The following MLPH variants were observed in gnomAD, a reference collection of about 807,000 sequenced individuals.
MLPH encodes the protein exophilin-3.
A neutral mutation model predicts 72.1 loss-of-function variants in MLPH; 51 were observed. That is an observed-to-expected ratio of 0.71 (90% CI 0.56 to 0.89). MLPH has a LOEUF of 0.89. Ranked by LOEUF, MLPH falls within the 40% of genes least tolerant of loss-of-function variation. The probability of loss-of-function intolerance (pLI) is 0.00; values close to 1 mark genes in which losing one functional copy is unlikely to be tolerated. For synonymous variants in MLPH, 301 were observed against 310.1 expected, an observed-to-expected ratio of 0.97 and a Z score of 0.31; for missense variants, 743 against 759.9, an observed-to-expected ratio of 0.98 and a Z score of 0.26.
chr2:237,490,663 C>G (rs2079411355), intron 1 of MLPH, among the ~76,000 whole-genome samples: 1 of 152,146 alleles, frequency 6.6e-6, no homozygotes, highest in African/African-American at 2.4e-5. Flanking sequence ...TCGGTGAATG[C>G]TCTTCTTATG....
rs577187670 is a variant in MLPH at position 237,553,072 on chromosome 2, G to A, written c.1777-494G>A. The A allele has an allele frequency of 1.6e-4, 77 of 468,406 alleles. 1 individual carries two copies. Among genetic ancestry groups the A allele is most frequent in the African/African-American group, 1.4e-3 (69 of 50,158 alleles). The allele number at this position is 468,406 out of a possible 1,614,324, so 29.0% of individuals were successfully genotyped here. On this transcript the variant is annotated intron_variant, in intron 15 of 15. Coordinates refer to ENST00000264605, the MANE Select transcript of MLPH (RefSeq NM_024101.7). ...AAGTGCCCTCCAGAGTTTTCCCATT[G>A]GTTACTTGGTTATACTCTATGCAGA...
intron 6 of MLPH, among the ~76,000 whole-genome samples, chr2:237,523,911 G>A (rs188221565): frequency 9.6e-5 from 14 of 146,380 alleles, no homozygotes; most frequent in African/African-American, 2.6e-4. Flanking sequence ...TGAAGGCCTC[G>A]GGTAAGTAAT....
intron 15 of MLPH, among the ~76,000 whole-genome samples, chr2:237,552,730 A>T (rs1245106334): frequency 6.6e-6 from 1 of 152,244 alleles, no homozygotes; most frequent in Non-Finnish European, 1.5e-5. Flanking sequence ...TTTGTAGCTG[A>T]GAAAACAGAG....
At chr2:237,498,424 T>C (rs1030701036) in intron 2 of MLPH, among the ~76,000 whole-genome samples, 2 of 152,150 alleles carry the variant, frequency 1.3e-5, no homozygotes, top group African/African-American at 4.8e-5. Flanking sequence ...CTTTGATTTC[T>C]CCTCTGTCAA....
chr2:237,503,275 C>T (rs2079691755), intron 2 of MLPH, among the ~76,000 whole-genome samples: 1 of 152,124 alleles, frequency 6.6e-6, no homozygotes, highest in Non-Finnish European at 1.5e-5. Flanking sequence ...CAAGGCAGGG[C>T]CTGGAGGGGA....
intron 9 of MLPH, among the ~76,000 whole-genome samples, chr2:237,539,803 T>C (rs557795511): frequency 4.6e-5 from 7 of 152,222 alleles, no homozygotes; most frequent in Non-Finnish European, 1.0e-4. Flanking sequence ...CATGGCCTGA[T>C]AGGGAGCCAC....
chr2:237,511,806 A>C (rs116688398), intron 4 of MLPH, among the ~76,000 whole-genome samples: 1 of 152,242 alleles, frequency 6.6e-6, no homozygotes, highest in Non-Finnish European at 1.5e-5. Context: ...GCTTAAACTA[A>C]ACAATGTGTT....
chr2:237,486,489 C>G (rs1385286564), upstream of MLPH: 1 of 152,290 alleles, frequency 6.6e-6, no homozygotes, highest in Non-Finnish European at 1.5e-5. Context: ...TTGCGGGCCC[C>G]GCTGAGCACC....
chr2:237,532,864 T>A (rs1416058424), intron 8 of MLPH, among the ~76,000 whole-genome samples: 2 of 152,246 alleles, frequency 1.3e-5, no homozygotes, highest in Non-Finnish European at 2.9e-5. Flanking sequence ...AAGACAGATT[T>A]ATTCTTGAAC....
At chr2:237,497,476 A>G (rs2079558359) in intron 2 of MLPH, among the ~76,000 whole-genome samples, 1 of 152,216 alleles carries the variant, frequency 6.6e-6, no homozygotes, top group Non-Finnish European at 1.5e-5. Context: ...GGGGAGTGGC[A>G]GGGCCCCAGC....
intron 2 of MLPH, among the ~76,000 whole-genome samples, chr2:237,498,720 C>T (rs2079586557): frequency 6.6e-6 from 1 of 152,184 alleles, no homozygotes; most frequent in South Asian, 2.1e-4. Context: ...GTCATCTGTG[C>T]CACTAGGGAT....
At chr2:237,511,294 A>C in intron 4 of MLPH, 193 bp downstream of exon 4, 1 of 516,602 alleles carries the variant, frequency 1.9e-6, no homozygotes, top group Middle Eastern at 5.3e-4. Flanking sequence ...TAATTTTTGT[A>C]GAGACAGGCA....
At chr2:237,513,195 GT>G (rs1348795095) in intron 4 of MLPH, among the ~76,000 whole-genome samples, 2 of 152,176 alleles carry the variant, frequency 1.3e-5, no homozygotes, top group Admixed American at 6.5e-5. Context: ...TGTCCAGCTA[GT>G]AAGTGGGCCT....
At chr2:237,490,956 A>G (rs1014481479) in intron 1 of MLPH, among the ~76,000 whole-genome samples, 1 of 152,210 alleles carries the variant, frequency 6.6e-6, no homozygotes, top group African/African-American at 2.4e-5. Context: ...GGGTGCAAAA[A>G]AATTCAACGA....
intron 5 of MLPH, among the ~76,000 whole-genome samples, chr2:237,519,547 A>G (rs994957332): frequency 6.6e-6 from 1 of 152,170 alleles, no homozygotes; most frequent in Non-Finnish European, 1.5e-5. Flanking sequence ...TGCCCCGGCT[A>G]TCCGAAGCCC....
intron 4 of MLPH, 143 bp downstream of exon 4, chr2:237,511,244 C>A: frequency 4.8e-6 from 3 of 627,044 alleles, no homozygotes; most frequent in Non-Finnish European, 8.5e-6. Context: ...ACATGCCTCT[C>A]TGTGAATTCC....
At chr2:237,499,709 C>A (rs1038525527) in intron 2 of MLPH, among the ~76,000 whole-genome samples, 2 of 152,086 alleles carry the variant, frequency 1.3e-5, no homozygotes, top group Non-Finnish European at 2.9e-5. Flanking sequence ...GTAGAAAAAG[C>A]AAGTTGTGAA....
At chr2:237,504,594 C>A (rs544191441) in intron 2 of MLPH, among the ~76,000 whole-genome samples, 18 of 152,212 alleles carry the variant, frequency 1.2e-4, no homozygotes, top group Non-Finnish European at 5.9e-5. Flanking sequence ...CACTGCCCCA[C>A]GGCCAGCCCT....
intron 2 of MLPH, among the ~76,000 whole-genome samples, chr2:237,495,860 C>T (rs1168761685): frequency 2.0e-5 from 3 of 152,312 alleles, no homozygotes; most frequent in South Asian, 2.1e-4. Flanking sequence ...TGCAGCTGAC[C>T]GCAGGGCTGA....
Sources: allele counts gnomAD v4.1 joint callset (sites outside exome capture counted in the v4.1 genomes callset), GRCh38; gene constraint gnomAD v4.1.1; transcripts MANE v1.5; gene names NCBI Gene and HGNC (gene_info 2026-07-23, HGNC 2026-07-21).